The following SLC9A9 variants were observed in gnomAD, a reference collection of about 807,000 sequenced individuals.
SLC9A9 encodes the protein sodium/hydrogen exchanger 9.
SLC9A9 carries 62 observed loss-of-function variants against 77.8 expected under a neutral mutation model. The ratio of observed to expected loss-of-function variants is 0.80; its 90% CI spans 0.65 to 0.98. The LOEUF (loss-of-function observed/expected upper bound fraction) is 0.98, where lower values mean the gene tolerates loss of function less well. SLC9A9 is among the 50% of genes least tolerant of loss of function. The probability of loss-of-function intolerance (pLI) is 0.00; values close to 1 mark genes in which losing one functional copy is unlikely to be tolerated. For missense variants in SLC9A9, 775 were observed against 774.9 expected (o/e 1.00, Z 0.00); for synonymous variants, 320 against 283.5 (o/e 1.13, Z -1.29).
chr3:143,803,953 G>T (rs866617806), intron 2 of SLC9A9, among the ~76,000 whole-genome samples: 3 of 152,012 alleles, frequency 2.0e-5, no homozygotes, highest in Non-Finnish European at 4.4e-5. Flanking sequence ...GCAAGCTGCC[G>T]TCCTCCTCCA....
At chr3:143,691,785 T>C (rs1933477036) in intron 5 of SLC9A9, among the ~76,000 whole-genome samples, 1 of 152,040 alleles carries the variant, frequency 6.6e-6, no homozygotes, top group Non-Finnish European at 1.5e-5. Flanking sequence ...TAACCAAACA[T>C]AAACCGAAGT....
intron 5 of SLC9A9, among the ~76,000 whole-genome samples, chr3:143,686,527 T>A (rs557305934): frequency 6.6e-6 from 1 of 151,750 alleles, no homozygotes; most frequent in Non-Finnish European, 1.5e-5. Context: ...CTGAAGAAGG[T>A]GGGGAGGGAG....
intron 2 of SLC9A9, among the ~76,000 whole-genome samples, chr3:143,820,436 G>T (rs1288191120): frequency 6.6e-6 from 1 of 152,154 alleles, no homozygotes; most frequent in Non-Finnish European, 1.5e-5. Context: ...CTATCTTTGT[G>T]ACTTTTTGCT....
At chr3:143,709,833 A>G (rs556323727) in intron 4 of SLC9A9, among the ~76,000 whole-genome samples, 1 of 152,280 alleles carries the variant, frequency 6.6e-6, no homozygotes, top group African/African-American at 2.4e-5. Flanking sequence ...TGTGTCATCC[A>G]CTGAAATTAA....
intron 12 of SLC9A9, among the ~76,000 whole-genome samples, chr3:143,430,134 T>G (rs984219722): frequency 6.6e-5 from 10 of 152,186 alleles, no homozygotes; most frequent in Admixed American, 5.2e-4. Context: ...TCAAAGTTAA[T>G]GACTTCATCA....
chr3:143,525,360 T>G (rs1029916416), intron 9 of SLC9A9, among the ~76,000 whole-genome samples: 1 of 152,220 alleles, frequency 6.6e-6, no homozygotes, highest in African/African-American at 2.4e-5. Context: ...AGATTCTATC[T>G]GATCCATTTT....
At chr3:143,589,017 T>C (rs2108676350) in intron 6 of SLC9A9, among the ~76,000 whole-genome samples, 1 of 152,300 alleles carries the variant, frequency 6.6e-6, no homozygotes, top group African/African-American at 2.4e-5. Context: ...CCACCAAAGA[T>C]GGAAATCCAG....
intron 8 of SLC9A9, among the ~76,000 whole-genome samples, chr3:143,572,791 G>A (rs145592596): frequency 1.3e-5 from 2 of 152,334 alleles, no homozygotes; most frequent in African/African-American, 4.8e-5. Context: ...TCTGCAGTAA[G>A]TTGGGCCAGC....
At chr3:143,397,163 G>T (rs2033749887) in intron 12 of SLC9A9, among the ~76,000 whole-genome samples, 1 of 152,172 alleles carries the variant, frequency 6.6e-6, no homozygotes, top group Non-Finnish European at 1.5e-5. Context: ...TTTGACCTAA[G>T]CTGCAAGCAT....
intron 9 of SLC9A9, among the ~76,000 whole-genome samples, chr3:143,511,597 T>A (rs1026862747): frequency 3.9e-5 from 6 of 152,244 alleles, no homozygotes; most frequent in African/African-American, 1.4e-4. Flanking sequence ...CAAGGCTCAG[T>A]GGCCCAAGAG....
intron 14 of SLC9A9, among the ~76,000 whole-genome samples, chr3:143,325,571 G>T (rs1407641430): frequency 1.3e-5 from 2 of 152,202 alleles, no homozygotes; most frequent in Non-Finnish European, 2.9e-5. Context: ...AAATCCAGGA[G>T]TAAAGGCTTC....
At chr3:143,553,832 C>T (rs2036933892) in intron 8 of SLC9A9, among the ~76,000 whole-genome samples, 1 of 152,198 alleles carries the variant, frequency 6.6e-6, no homozygotes, top group South Asian at 2.1e-4. Context: ...AGCATCTCTT[C>T]AGAAATTCTA....
At chr3:143,385,574 A>G (rs1230338687) in intron 12 of SLC9A9, among the ~76,000 whole-genome samples, 2 of 152,258 alleles carry the variant, frequency 1.3e-5, no homozygotes, top group South Asian at 2.1e-4. Flanking sequence ...AGGGCTAACC[A>G]TGTATCCATT....
intron 6 of SLC9A9, among the ~76,000 whole-genome samples, chr3:143,596,307 C>T (rs898090333): frequency 2.0e-5 from 3 of 152,194 alleles, no homozygotes; most frequent in Middle Eastern, 3.4e-3. Flanking sequence ...TGTATGTGTG[C>T]GTGCACAAAC....
intron 5 of SLC9A9, among the ~76,000 whole-genome samples, chr3:143,674,449 C>G (rs1358961566): frequency 1.3e-5 from 2 of 152,140 alleles, no homozygotes; most frequent in Non-Finnish European, 2.9e-5. Flanking sequence ...CAGGCAATTT[C>G]ACAGGGCCTC....
intron 8 of SLC9A9, among the ~76,000 whole-genome samples, chr3:143,554,046 G>C (rs1194156997): frequency 6.6e-6 from 1 of 152,102 alleles, no homozygotes; most frequent in African/African-American, 2.4e-5. Context: ...GTAGTCTATT[G>C]GGGGTTTTCT....
intron 1 of SLC9A9, among the ~76,000 whole-genome samples, chr3:143,847,133 C>T (rs1220181834): frequency 1.3e-5 from 2 of 152,134 alleles, no homozygotes; most frequent in Admixed American, 1.3e-4. Context: ...ATACAATGTG[C>T]ATTGATCTGT....
At chr3:143,803,613 A>C (rs1458994866) in intron 2 of SLC9A9, among the ~76,000 whole-genome samples, 2 of 152,066 alleles carry the variant, frequency 1.3e-5, no homozygotes, top group Non-Finnish European at 2.9e-5. Flanking sequence ...CACCCTGATG[A>C]AGTTCTATTC....
At chr3:143,301,274 G>A (rs2030503170) in intron 14 of SLC9A9, among the ~76,000 whole-genome samples, 1 of 152,116 alleles carries the variant, frequency 6.6e-6, no homozygotes, top group South Asian at 2.1e-4. Flanking sequence ...CTTGGAAGTT[G>A]GTAATATTCA....
Sources: allele counts gnomAD v4.1 joint callset (sites outside exome capture counted in the v4.1 genomes callset), GRCh38; gene constraint gnomAD v4.1.1; transcripts MANE v1.5; gene names NCBI Gene and HGNC (gene_info 2026-07-23, HGNC 2026-07-21).